Variants in MAN1C1 observed in about 807,000 individuals in gnomAD.
MAN1C1 encodes the protein mannosyl-oligosaccharide 1,2-alpha-mannosidase IC.
In MAN1C1, 49 loss-of-function variants were observed where a neutral mutation model predicts 71.5. The ratio of observed to expected loss-of-function variants is 0.69; its 90% CI spans 0.54 to 0.87. MAN1C1 has a LOEUF of 0.87. Among genes scored for constraint, MAN1C1 ranks in the 40% least tolerant of loss-of-function variants. The probability of loss-of-function intolerance (pLI) is 0.00; values close to 1 mark genes in which losing one functional copy is unlikely to be tolerated. For missense variants in MAN1C1, 743 were observed against 835.0 expected (o/e 0.89, Z 1.36); for synonymous variants, 352 against 343.7 (o/e 1.02, Z -0.27).
intron 10 of MAN1C1, among the ~76,000 whole-genome samples, chr1:25,781,578 G>C (rs912717632): frequency 2.0e-5 from 3 of 152,136 alleles, no homozygotes; most frequent in Admixed American, 6.5e-5. Flanking sequence ...CCTGCCCTCA[G>C]CCTCCGGCCC....
chr1:25,699,788 C>A (rs74785636), intron 2 of MAN1C1, among the ~76,000 whole-genome samples: 22,226 of 152,232 alleles, frequency 0.15, 1,839 homozygotes, highest in East Asian at 0.3. Flanking sequence ...TCATGGGTCA[C>A]AGTGGCCCCA....
chr1:25,652,337 G>A (rs1000402987), intron 1 of MAN1C1, among the ~76,000 whole-genome samples: 1 of 152,240 alleles, frequency 6.6e-6, no homozygotes, highest in Non-Finnish European at 1.5e-5. Context: ...AAGTAACGCT[G>A]GAACTCTTGT....
chr1:25,623,428 C>G (rs890827426), intron 1 of MAN1C1, among the ~76,000 whole-genome samples: 13 of 149,556 alleles, frequency 8.7e-5, no homozygotes, highest in Non-Finnish European at 1.2e-4. Context: ...AGTCTGCTGC[C>G]TATTTCACAG....
At chr1:25,768,005 C>A (rs541149518) in intron 7 of MAN1C1, among the ~76,000 whole-genome samples, 4 of 47,534 alleles carry the variant, frequency 8.4e-5, no homozygotes, top group Middle Eastern at 0.019. Context: ...ATACACTCCC[C>A]CACACACACA....
chr1:25,645,517 A>G (rs979312239), intron 1 of MAN1C1: 12 of 152,208 alleles, frequency 7.9e-5, no homozygotes, highest in African/African-American at 2.7e-4. Context: ...GTTCATCTTC[A>G]TTGCTCTCGA....
intron 1 of MAN1C1, among the ~76,000 whole-genome samples, chr1:25,643,878 A>G (rs1230216178): frequency 6.6e-6 from 1 of 152,148 alleles, no homozygotes; most frequent in African/African-American, 2.4e-5. Flanking sequence ...TGTGGCTGCT[A>G]GAATTTGCAG....
intron 2 of MAN1C1, among the ~76,000 whole-genome samples, chr1:25,716,687 T>C (rs1330120581): frequency 6.6e-6 from 1 of 152,232 alleles, no homozygotes; most frequent in African/African-American, 2.4e-5. Flanking sequence ...TTAATCCCAA[T>C]TGGAATCAAT....
chr1:25,693,198 A>C (rs1464414602), intron 2 of MAN1C1, among the ~76,000 whole-genome samples: 1 of 152,262 alleles, frequency 6.6e-6, no homozygotes, highest in Non-Finnish European at 1.5e-5. Flanking sequence ...AAATAAAGGA[A>C]GAGAAAATAT....
Position 25,618,065 on chromosome 1 carries a change from G to A in MAN1C1, c.268G>A (p.Ala90Thr). Residue 90 changes from alanine to threonine, a missense_variant, in exon 1 of 12, where the codon GCC (alanine) becomes ACC (threonine). Physicochemically the swap from Ala to Thr is moderately conservative, Grantham distance 58. Transcript: ENST00000374332. Reference sequence around the variant, plus strand: ...TCCCAACCCGGCCCCCGCCGCGCCGGCCCCGGGCGAGGATGACCCCAGCAG... The same window carrying A: ...TCCCAACCCGGCCCCCGCCGCGCCGACCCCGGGCGAGGATGACCCCAGCAG... The part of the protein sequence containing the change: ...PPPNPAPAAP[A>T]PGEDDPSSWA... 1 of 1,546,182 alleles carries A rather than the reference G, an allele frequency of 6.5e-7. No individual in the cohort carries two copies. Among genetic ancestry groups the A allele is most frequent in the East Asian group, 2.5e-5 (1 of 40,330 alleles).
At chr1:25,624,378 T>C (rs1200233953) in intron 1 of MAN1C1, among the ~76,000 whole-genome samples, 2 of 151,290 alleles carry the variant, frequency 1.3e-5, no homozygotes, top group Non-Finnish European at 2.9e-5. Context: ...ACAGCCTCAG[T>C]GTGGGGACTC....
chr1:25,695,165 G>A (rs577049271), intron 2 of MAN1C1, among the ~76,000 whole-genome samples: 10 of 152,014 alleles, frequency 6.6e-5, no homozygotes, highest in South Asian at 4.2e-4. Flanking sequence ...CTGGCAGGCC[G>A]CGGTGCACAT....
intron 2 of MAN1C1, among the ~76,000 whole-genome samples, chr1:25,687,922 C>A (rs1030294426): frequency 6.6e-6 from 1 of 151,694 alleles, no homozygotes; most frequent in African/African-American, 2.4e-5. Flanking sequence ...GCTTTTTCTT[C>A]CTTTTATATA....
intron 1 of MAN1C1, among the ~76,000 whole-genome samples, chr1:25,619,246 G>C (rs2045167700): frequency 6.6e-6 from 1 of 152,208 alleles, no homozygotes; most frequent in Non-Finnish European, 1.5e-5. Flanking sequence ...ACACCCCCAG[G>C]CCACGAGGGG....
rs542933665 is a variant in MAN1C1, at chr1:25,648,174, C to T, written c.540+29837C>T. On this transcript the variant is annotated intron_variant, in intron 1 of 11. Coordinates refer to ENST00000374332, the MANE Select transcript of MAN1C1 (RefSeq NM_020379.4). ...TAGCAGTGCTACCATCTCCTGGTGA[C>T]GCTTCTACAGTCACTGCCTCCTGGA... Among the ~76,000 whole-genome samples the T allele has an allele frequency of 2.0e-3, 299 of 152,356 alleles. 2 individuals carry two copies. Among genetic ancestry groups the T allele is most frequent in the Non-Finnish European group, 3.2e-3 (217 of 68,028 alleles).
At chr1:25,758,564 A>T (rs758452650) in intron 5 of MAN1C1, 28 bp from the exon 6 acceptor site, 11 of 1,569,516 alleles carry the variant, frequency 7.0e-6, no homozygotes, top group Non-Finnish European at 7.0e-6. Flanking sequence ...CAAAGGGGGG[A>T]TGACGGGGGC....
intron 5 of MAN1C1, among the ~76,000 whole-genome samples, chr1:25,756,001 A>G (rs746011092): frequency 1.3e-5 from 2 of 152,210 alleles, no homozygotes; most frequent in African/African-American, 2.4e-5. Flanking sequence ...ATTCAGTTCT[A>G]CCACTTACTC....
rs539246476 is a variant in MAN1C1 at position 25,699,753 on chromosome 1, G to C, written c.637+13217G>C. 2.6e-3 allele frequency among the ~76,000 whole-genome samples: 402 copies of C among 152,266 alleles called. 1 individual carries two copies. The highest frequency in any genetic ancestry group is 8.5e-3 in the African/African-American group (354 of 41,540). On this transcript the variant is annotated intron_variant, in intron 2 of 11. Transcript: ENST00000374332. ...CCTGGTGCAGCCAGGCAGACAGCAG[G>C]GTCAGCCCTGGAGACAGAGGTGCTT...
At chr1:25,624,581 G>T (rs1163981698) in intron 1 of MAN1C1, among the ~76,000 whole-genome samples, 1 of 152,228 alleles carries the variant, frequency 6.6e-6, no homozygotes. Flanking sequence ...TTTTACAGAA[G>T]AAACTTTGCT....
chr1:25,649,027 G>A (rs2045654427), intron 1 of MAN1C1, among the ~76,000 whole-genome samples: 1 of 152,226 alleles, frequency 6.6e-6, no homozygotes. Context: ...AGGCAAATCA[G>A]TGTGCAGGAC....
Sources: allele counts gnomAD v4.1 joint callset (sites outside exome capture counted in the v4.1 genomes callset), GRCh38; gene constraint gnomAD v4.1.1; transcripts MANE v1.5; gene names NCBI Gene and HGNC (gene_info 2026-07-23, HGNC 2026-07-21).